The following SNAPC3 variants were observed in gnomAD, a reference collection of about 807,000 sequenced individuals.
SNAPC3 encodes small nuclear RNA activating complex polypeptide 3, also known as snRNA-activating protein complex subunit 3.
SNAPC3 carries 56 observed loss-of-function variants against 47.7 expected under a neutral mutation model. The observed-to-expected ratio is 1.18, with a 90% CI of 0.95 to 1.47. The LOEUF (loss-of-function observed/expected upper bound fraction) is 1.47. SNAPC3 is among the 40% of genes most tolerant of loss of function. The pLI, the probability that SNAPC3 is intolerant of heterozygous loss-of-function variation, is 0.00. For missense variants in SNAPC3, 665 were observed against 511.3 expected, an observed-to-expected ratio of 1.30 and a Z score of -2.90; for synonymous variants, 235 against 189.9, an observed-to-expected ratio of 1.24 and a Z score of -1.95.
chr9:15,433,300 T>A (rs975683652), intron 2 of SNAPC3, among the ~76,000 whole-genome samples: 1 of 151,260 alleles, frequency 6.6e-6, no homozygotes, highest in Admixed American at 6.6e-5. Context: ...AAATTAAAAA[T>A]TGTGTGAAAT....
intron 5 of SNAPC3, among the ~76,000 whole-genome samples, chr9:15,448,645 A>G (rs2034127906): frequency 6.6e-6 from 1 of 152,172 alleles, no homozygotes; most frequent in Admixed American, 6.5e-5. Flanking sequence ...AGACTAGCAT[A>G]TGGCTCACAT....
In SNAPC3 at chr9:15,451,381, C is replaced by G; in HGVS notation, c.794C>G (p.Pro265Arg). The G allele has an allele frequency of 6.5e-7, 1 of 1,541,806 alleles. No homozygotes were observed. Among genetic ancestry groups the G allele is most frequent in the Non-Finnish European group, 8.9e-7 (1 of 1,125,896 alleles). Residue 265 changes from proline (P) to arginine (R), a missense_variant, in exon 6 of 9, where the codon CCA (proline) becomes CGA (arginine). Coordinates refer to ENST00000380821, the MANE Select transcript of SNAPC3 (RefSeq NM_001039697.2). Reference protein sequence around the residue: ...EGTFYNDKRYPECRDLSRTII... With the variant: ...EGTFYNDKRYRECRDLSRTII... ...ACATTTTATAATGATAAAAGATACC[C>G]AGAATGCAGAGATTTGAGCAGGTAT...
chr9:15,452,982 T>G, intron 6 of SNAPC3, 59 bp from the exon 7 acceptor site: 1 of 1,393,964 alleles, frequency 7.2e-7, no homozygotes, highest in Non-Finnish European at 9.8e-7. Context: ...ACAAACTGTT[T>G]TCTGTAGTTT....
intron 8 of SNAPC3, 147 bp from the exon 9 acceptor site, chr9:15,459,572 G>T: frequency 1.6e-6 from 1 of 613,878 alleles, no homozygotes. Context: ...TTGTATCTAT[G>T]TATACAAAAT....
At chr9:15,464,357 A>T (rs2035464394), downstream of SNAPC3, 1 of 194,840 alleles carries the variant, frequency 5.1e-6, no homozygotes, top group Admixed American at 6.1e-5. Context: ...AAAACATGAG[A>T]AGTATCCTAC....
intron 2 of SNAPC3, among the ~76,000 whole-genome samples, chr9:15,430,752 C>T (rs889382003): frequency 3.3e-5 from 5 of 152,030 alleles, no homozygotes; most frequent in African/African-American, 1.2e-4. Flanking sequence ...GTGTTGAATA[C>T]GCTATGGGAA....
At chr9:15,432,757 T>G (rs2032325838) in intron 2 of SNAPC3, among the ~76,000 whole-genome samples, 2 of 152,078 alleles carry the variant, frequency 1.3e-5, no homozygotes, top group African/African-American at 4.8e-5. Flanking sequence ...ATGTAGAAGA[T>G]CCAATGAATA....
At chr9:15,448,721 G>T (rs985574688) in intron 5 of SNAPC3, among the ~76,000 whole-genome samples, 16 of 152,168 alleles carry the variant, frequency 1.1e-4, no homozygotes, top group African/African-American at 3.9e-4. Context: ...AGGTTCTTCA[G>T]GGTTGCCATC....
At chr9:15,444,053 C>T (rs865940456) in intron 3 of SNAPC3, among the ~76,000 whole-genome samples, 5 of 152,296 alleles carry the variant, frequency 3.3e-5, no homozygotes, top group South Asian at 4.1e-4. Context: ...AAAACTCCTG[C>T]ATCTAAACCA....
chr9:15,429,954 C>A (rs1275682048), intron 2 of SNAPC3, among the ~76,000 whole-genome samples: 1 of 152,104 alleles, frequency 6.6e-6, no homozygotes, highest in Admixed American at 6.6e-5. Flanking sequence ...ATGCTGATAT[C>A]AGACAAATAG....
chr9:15,435,917 C>T (rs936087888), intron 3 of SNAPC3, among the ~76,000 whole-genome samples: 2 of 140,598 alleles, frequency 1.4e-5, no homozygotes, highest in African/African-American at 5.2e-5. Context: ...AATCTTAGCT[C>T]ACTGCAACCT....
chr9:15,454,130 T>A (rs1268332112), intron 7 of SNAPC3, among the ~76,000 whole-genome samples: 1 of 151,374 alleles, frequency 6.6e-6, no homozygotes, highest in Admixed American at 6.6e-5. Flanking sequence ...CTACTCAGGT[T>A]AAAACGTGAG....
intron 3 of SNAPC3, among the ~76,000 whole-genome samples, chr9:15,436,272 TGAA>T (rs1430159617): frequency 6.6e-6 from 1 of 152,262 alleles, no homozygotes; most frequent in East Asian, 1.9e-4. Flanking sequence ...TGCAGCATCA[TGAA>T]GATTTTCCCA....
Position 15,433,522 on chromosome 9 carries a change from AT to A in SNAPC3, c.393-19del, listed in dbSNP as rs561423228. 9,329 of 1,122,202 alleles carry A rather than the reference AT, an allele frequency of 8.3e-3. 9 individuals are homozygous for A. Among genetic ancestry groups the A allele is most frequent in the East Asian group, 0.034 (1,166 of 34,268 alleles). 69.5% of individuals were successfully genotyped at this position (1,122,202 alleles called of 1,614,324 possible). ...CCCGAATAACAAATGTTGAACTTTGATTTTTTTTTTTCTTTTACATCTACAA... is the reference window on the plus strand; with the variant it reads ...CCCGAATAACAAATGTTGAACTTTGATTTTTTTTTTCTTTTACATCTACAA... On this transcript the variant is annotated intron_variant, in intron 2 of 8. Transcript: ENST00000380821.
intron 4 of SNAPC3, 81 bp downstream of exon 4, chr9:15,444,787 T>C (rs1279592391): frequency 2.7e-6 from 2 of 733,848 alleles, no homozygotes; most frequent in Admixed American, 2.6e-5. Context: ...GTCATATTCC[T>C]ATGCTTACAT....
intron 5 of SNAPC3, among the ~76,000 whole-genome samples, chr9:15,448,727 C>T (rs1043102892): frequency 7.2e-5 from 11 of 152,174 alleles, no homozygotes; most frequent in African/African-American, 2.4e-4. Flanking sequence ...TTCAGGGTTG[C>T]CATCTCAGTG....
chr9:15,424,676 G>A (rs2031103899), intron 2 of SNAPC3, among the ~76,000 whole-genome samples: 2 of 152,134 alleles, frequency 1.3e-5, no homozygotes, highest in Admixed American at 1.3e-4. Flanking sequence ...ATTCTGGTCT[G>A]CCTACCACTC....
chr9:15,435,491 T>C (rs2032680152), intron 3 of SNAPC3, among the ~76,000 whole-genome samples: 1 of 151,846 alleles, frequency 6.6e-6, no homozygotes, highest in Non-Finnish European at 1.5e-5. Flanking sequence ...GAGAATTGCT[T>C]GAACCTGGGA....
At chr9:15,453,826 G>C (rs1205682362) in intron 7 of SNAPC3, among the ~76,000 whole-genome samples, 12 of 152,202 alleles carry the variant, frequency 7.9e-5, no homozygotes, top group African/African-American at 2.9e-4. Context: ...TTGCTGGTTT[G>C]ATTCCTTATG....
Sources: gnomAD v4.1 joint callset for allele counts (sites outside exome capture counted in the v4.1 genomes callset) on GRCh38, gnomAD v4.1.1 for gene constraint, MANE v1.5 for transcripts, NCBI Gene and HGNC (gene_info 2026-07-23, HGNC 2026-07-21) for gene names.